Variants in FLT3 observed in about 807,000 individuals in gnomAD.
The protein encoded by FLT3 is receptor-type tyrosine-protein kinase FLT3.
Under a neutral mutation model 126.6 loss-of-function variants are expected in FLT3, and 46 were observed. The ratio of observed to expected loss-of-function variants is 0.36; its 90% confidence interval spans 0.29 to 0.46. FLT3 has a LOEUF of 0.46. Among genes scored for constraint, FLT3 ranks in the 20% least tolerant of loss-of-function variants. The pLI, the probability that FLT3 is intolerant of heterozygous loss-of-function variation, is 1.00. For synonymous variants in FLT3, 404 were observed against 434.4 expected, an observed-to-expected ratio of 0.93 and a Z score of 0.87; for missense variants, 1,069 against 1,190.3, an observed-to-expected ratio of 0.90 and a Z score of 1.50.
chr13:28,006,405 C>A (rs1870899992), intron 23 of FLT3, among the ~76,000 whole-genome samples: 1 of 151,780 alleles, frequency 6.6e-6, no homozygotes. Flanking sequence ...TTTGCTTGTA[C>A]CCTGAAGGAT....
At chr13:28,094,803 C>T (rs964998041) in intron 1 of FLT3, among the ~76,000 whole-genome samples, 3 of 152,156 alleles carry the variant, frequency 2.0e-5, no homozygotes, top group Admixed American at 6.5e-5. Flanking sequence ...ACTCTGCCTA[C>T]TTTTATATTA....
chr13:28,054,413 C>CAA (rs755290405), intron 4 of FLT3, among the ~76,000 whole-genome samples: 1 of 127,676 alleles, frequency 7.8e-6, no homozygotes, highest in African/African-American at 2.9e-5. Flanking sequence ...CAACACAACT[C>CAA]AAAAAAAAAA....
chr13:28,048,426 C>T lies in FLT3; in HGVS notation c.1054G>A (p.Ala352Thr). 3 of 1,604,614 alleles carry T rather than the reference C, an allele frequency of 1.9e-6. 1 individual carries two copies. The highest frequency in any genetic ancestry group is 4.5e-5 in the East Asian group (2 of 44,808). ...TCATAATCTTCACTTGAATTGGTAGCATTTATAAATCCCTTTTCTGTAAGA... is the reference window on the plus strand; with the variant it reads ...TCATAATCTTCACTTGAATTGGTAGTATTTATAAATCCCTTTTCTGTAAGA... The part of the protein sequence containing the change: ...VTIVEKGFIN[A>T]TNSSEDYEID... The change falls in exon 9 of 24, where the codon GCT becomes ACT. Residue 352 changes from alanine (A) to threonine (T), a missense_variant. Coordinates refer to ENST00000241453, the MANE Select transcript of FLT3 (RefSeq NM_004119.3).
intron 10 of FLT3, 139 bp downstream of exon 10, chr13:28,037,046 A>G: frequency 1.6e-6 from 1 of 612,036 alleles, no homozygotes; most frequent in Non-Finnish European, 2.9e-6. Context: ...ATATGAGAGT[A>G]AAGTTTCAAA....
At chr13:28,081,793 A>T (rs2387353) in intron 1 of FLT3, among the ~76,000 whole-genome samples, 131,649 of 146,870 alleles carry the variant, frequency 0.9, 60,477 homozygotes, top group Non-Finnish European at 1. Context: ...CTTCTGTAAT[A>T]TTTTTATTAT....
At chr13:28,017,589 T>C (rs1871975861) in intron 20 of FLT3, among the ~76,000 whole-genome samples, 1 of 152,132 alleles carries the variant, frequency 6.6e-6, no homozygotes, top group South Asian at 2.1e-4. Context: ...CTATTACTTC[T>C]AATAGTTCTT....
intron 2 of FLT3, among the ~76,000 whole-genome samples, chr13:28,070,063 T>G (rs895269085): frequency 6.6e-6 from 1 of 152,216 alleles, no homozygotes; most frequent in East Asian, 1.9e-4. Context: ...TGCAGTGAGC[T>G]ATGATCATGC....
At chr13:28,073,547 A>C (rs956072038) in intron 1 of FLT3, among the ~76,000 whole-genome samples, 3 of 152,234 alleles carry the variant, frequency 2.0e-5, no homozygotes, top group African/African-American at 7.2e-5. Flanking sequence ...AAAATATTTT[A>C]TAAGTATAAT....
At chr13:28,070,254 T>G (rs1190801012) in intron 2 of FLT3, among the ~76,000 whole-genome samples, 1 of 152,230 alleles carries the variant, frequency 6.6e-6, no homozygotes, top group East Asian at 1.9e-4. Flanking sequence ...TACTCATTAC[T>G]TCATGCTAGT....
At chr13:28,041,669 G>C (rs1039051723) in intron 9 of FLT3, among the ~76,000 whole-genome samples, 1 of 152,256 alleles carries the variant, frequency 6.6e-6, no homozygotes, top group East Asian at 1.9e-4. Context: ...AATGACAACC[G>C]TGTCCTGACC....
At position 28,098,159 on chromosome 13, in the gene FLT3, A is replaced by G. The variant is rs542588473; in HGVS notation, c.43+2309T>C. On this transcript the variant is annotated intron_variant, in intron 1 of 23. Coordinates refer to ENST00000241453, the MANE Select transcript of FLT3 (RefSeq NM_004119.3). ...GTGAAACCTCGTCTCTACTAAAAAT[A>G]CAAAAATTAGCTGGGTGCGGTGGCA... Among the ~76,000 whole-genome samples, 6 of 152,120 alleles carry G rather than the reference A, an allele frequency of 3.9e-5. No homozygotes were observed. The South Asian group carries it at 1.2e-3, about 32-fold the overall frequency.
chr13:28,058,107 C>T (rs891998762), intron 3 of FLT3, among the ~76,000 whole-genome samples: 9 of 151,024 alleles, frequency 6.0e-5, no homozygotes, highest in Admixed American at 4.6e-4. Context: ...ACATGTAATC[C>T]CAGAACTTTG....
At chr13:28,017,990 G>A (rs1175758917) in intron 20 of FLT3, among the ~76,000 whole-genome samples, 1 of 152,084 alleles carries the variant, frequency 6.6e-6, no homozygotes, top group Non-Finnish European at 1.5e-5. Context: ...AGATCTTCCT[G>A]TGTTAACAGT....
intron 21 of FLT3, among the ~76,000 whole-genome samples, 167 bp from the exon 22 acceptor site, chr13:28,015,423 T>C (rs927226769): frequency 6.8e-6 from 1 of 146,992 alleles, no homozygotes; most frequent in Admixed American, 7.1e-5. Flanking sequence ...AAGCAGGTTA[T>C]AGACCAGTGA....
At chr13:28,076,991 GAGAC>G (rs148886166) in intron 1 of FLT3, among the ~76,000 whole-genome samples, 32 of 144,578 alleles carry the variant, frequency 2.2e-4, no homozygotes, top group African/African-American at 7.6e-4. Flanking sequence ...AGGGAGGGAA[GAGAC>G]AGACAGAAAG....
chr13:28,075,825 T>C (rs963248405), intron 1 of FLT3, among the ~76,000 whole-genome samples: 1 of 150,974 alleles, frequency 6.6e-6, no homozygotes, highest in Non-Finnish European at 1.5e-5. Flanking sequence ...AGACAGAGTC[T>C]GACTCTGTCA....
At chr13:28,068,367 T>C (rs769856730) in intron 2 of FLT3, 1 of 152,228 alleles carries the variant, frequency 6.6e-6, no homozygotes, top group Admixed American at 6.6e-5. Flanking sequence ...CCAAAGCTCA[T>C]GTTGAAACGC....
At chr13:28,096,828 A>G (rs1879485127) in intron 1 of FLT3, among the ~76,000 whole-genome samples, 1 of 152,190 alleles carries the variant, frequency 6.6e-6, no homozygotes, top group African/African-American at 2.4e-5. Flanking sequence ...TCCTGGGGAA[A>G]GGCAATGACC....
At position 28,023,487 on chromosome 13, in the gene FLT3, A is replaced by G. The variant is rs747799091; in HGVS notation, c.2291-10T>C. ...TCATATTCAATTTCATCTGTAAAAT[A>G]GAGCCAGTCTTCACTTTTGCCAAAA... On this transcript the variant is annotated splice_polypyrimidine_tract_variant and intron_variant, in intron 18 of 23. Coordinates refer to ENST00000241453, the MANE Select transcript of FLT3 (RefSeq NM_004119.3). 1.2e-6 allele frequency: 2 copies of G among 1,612,474 alleles called. No individual in the cohort carries two copies. Among genetic ancestry groups the G allele is most frequent in the Non-Finnish European group, 8.5e-7 (1 of 1,179,714 alleles).
Sources: gnomAD v4.1 joint callset for allele counts (sites outside exome capture counted in the v4.1 genomes callset) on GRCh38, gnomAD v4.1.1 for gene constraint, MANE v1.5 for transcripts, NCBI Gene and HGNC (gene_info 2026-07-23, HGNC 2026-07-21) for gene names.